Variants in FAM53A observed in about 807,000 individuals in gnomAD.
FAM53A encodes family with sequence similarity 53 member A, also known as protein FAM53A.
FAM53A carries 28 observed loss-of-function variants against 26.6 expected under a neutral mutation model. That is an observed-to-expected ratio of 1.05 (90% CI 0.78 to 1.45). The LOEUF (loss-of-function observed/expected upper bound fraction) is 1.45. Among genes scored for constraint, FAM53A ranks in the 40% most tolerant of loss-of-function variants. The pLI, the probability that FAM53A is intolerant of heterozygous loss-of-function variation, is 0.00. For missense variants in FAM53A, 650 were observed against 575.8 expected (o/e 1.13, Z -1.32); for synonymous variants, 290 against 253.1 (o/e 1.15, Z -1.38).
At chr4:1,672,903 G>A (rs1417656144) in intron 1 of FAM53A, among the ~76,000 whole-genome samples, 5 of 151,336 alleles carry the variant, frequency 3.3e-5, no homozygotes, top group Non-Finnish European at 5.9e-5. Context: ...CCAAGTAGCC[G>A]GGATTACAGG....
chr4:1,667,931 A>T (rs2108995663), intron 2 of FAM53A, among the ~76,000 whole-genome samples: 1 of 152,260 alleles, frequency 6.6e-6, no homozygotes, highest in South Asian at 2.1e-4. Context: ...ACTGTAGGAA[A>T]ATCAAGCTGC....
At chr4:1,613,236 T>C (rs766727913), downstream of FAM53A, among the ~76,000 whole-genome samples, 3 of 152,186 alleles carry the variant, frequency 2.0e-5, no homozygotes, top group Non-Finnish European at 2.9e-5. Flanking sequence ...AGAAAGGTAC[T>C]GGGGGTGGGA....
Position 1,641,290 on chromosome 4 carries a change from G to A in FAM53A, c.*3C>T. On this transcript the variant is annotated 3_prime_UTR_variant, in exon 5 of 5. Transcript: ENST00000308132. ...CCATGGCCCCGACCAGCCCCCACCA[G>A]CCTCAGTTGTTCTCGATCTGCTCCA... The A allele has an allele frequency of 6.2e-7, 1 of 1,612,796 alleles. No individual in the cohort carries two copies.
chr4:1,657,522 T>A (rs1713486108), intron 2 of FAM53A, 54 bp from the exon 3 acceptor site: 1 of 1,490,552 alleles, frequency 6.7e-7, no homozygotes, highest in Non-Finnish European at 9.3e-7. Context: ...AATTCGGCAA[T>A]AATATCCCCC....
Position 1,641,304 on chromosome 4 carries a change from C to T in FAM53A, c.1186G>A (p.Glu396Lys), listed in dbSNP as rs1322216688. The T allele has an allele frequency of 3.7e-6, 6 of 1,612,982 alleles. No homozygotes were observed. The highest frequency in any genetic ancestry group is 3.3e-5 in the Admixed American group (2 of 59,894). ...AGCCCCCACCAGCCTCAGTTGTTCTCGATCTGCTCCAGGTCCAGCTCCCAG... is the reference window on the plus strand; with the variant it reads ...AGCCCCCACCAGCCTCAGTTGTTCTTGATCTGCTCCAGGTCCAGCTCCCAG... Reference protein sequence around the residue: ...ARWELDLEQIENN With the variant: ...ARWELDLEQIKNN Residue 396 changes from glutamate to lysine, a missense_variant, in exon 5 of 5, where the codon GAG becomes AAG. By Grantham distance (56) the Glu-to-Lys change is moderately conservative (BLOSUM62 1). Transcript: ENST00000308132.
chr4:1,626,135 C>A (rs931277275), intron 1 of FAM53A, among the ~76,000 whole-genome samples: 3 of 152,204 alleles, frequency 2.0e-5, no homozygotes, highest in East Asian at 1.9e-4. Flanking sequence ...TCCTGGATGA[C>A]CCTGGTGCAT....
At chr4:1,623,889 G>A (rs761760434) in intron 1 of FAM53A, among the ~76,000 whole-genome samples, 19 of 152,328 alleles carry the variant, frequency 1.2e-4, no homozygotes, top group African/African-American at 3.8e-4. Flanking sequence ...CCTCTCTGGC[G>A]GGCGGGGAGA....
chr4:1,626,849 A>G (rs754743612), intron 1 of FAM53A, among the ~76,000 whole-genome samples: 4 of 152,022 alleles, frequency 2.6e-5, no homozygotes, highest in African/African-American at 7.2e-5. Flanking sequence ...TGTTCATCCA[A>G]CTGATTGAGC....
downstream of FAM53A, chr4:1,639,815 T>C (rs1269031461): frequency 2.6e-5 from 4 of 152,286 alleles, no homozygotes; most frequent in Admixed American, 6.5e-5. Flanking sequence ...GAAAGTGGCA[T>C]TGATTAACTT....
chr4:1,605,309 C>T, the FAM53A span, among the ~76,000 whole-genome samples: 4 of 152,290 alleles, frequency 2.6e-5, no homozygotes, highest in Admixed American at 2.6e-4. This position sits in a 1 kb window ranked among gnomAD's most constrained non-coding sequence, Gnocchi z 5.7. Context: ...CCCATCCTCC[C>T]CATGTGGCTG....
chr4:1,622,193 G>A (rs898867089), intron 1 of FAM53A, among the ~76,000 whole-genome samples: 20 of 152,216 alleles, frequency 1.3e-4, no homozygotes, highest in Admixed American at 2.6e-4. Flanking sequence ...TACAGCAGCA[G>A]CACGGAGAGA....
chr4:1,590,915 A>G, the FAM53A span, among the ~76,000 whole-genome samples: 1 of 134,498 alleles, frequency 7.4e-6, no homozygotes, highest in Non-Finnish European at 1.6e-5. Context: ...TAATATTCTC[A>G]GTTGTAGTTT....
chr4:1,618,428 G>A (rs1714888558), intron 1 of FAM53A, among the ~76,000 whole-genome samples: 1 of 152,208 alleles, frequency 6.6e-6, no homozygotes, highest in Admixed American at 6.5e-5. Flanking sequence ...CCCTGGGTGG[G>A]AAGTGGGCTG....
chr4:1,633,065 CAT>C (rs1715682077), intron 1 of FAM53A, among the ~76,000 whole-genome samples: 2 of 150,302 alleles, frequency 1.3e-5, no homozygotes, highest in Admixed American at 1.3e-4. Flanking sequence ...TGCGCACACA[CAT>C]AGGTACACGC....
At chr4:1,574,464 T>C in the FAM53A span, 1 of 152,526 alleles carries the variant, frequency 6.6e-6, no homozygotes, top group African/African-American at 2.4e-5. Context: ...GTGCCCTGTG[T>C]GTGGGGAGAG....
At chr4:1,610,501 T>A in the FAM53A span, among the ~76,000 whole-genome samples, 1 of 152,142 alleles carries the variant, frequency 6.6e-6, no homozygotes, top group Non-Finnish European at 1.5e-5. Context: ...GCCCCTGTTT[T>A]CGGGGCCAGA....
At chr4:1,587,902 A>G in the FAM53A span, among the ~76,000 whole-genome samples, 1 of 152,164 alleles carries the variant, frequency 6.6e-6, no homozygotes, top group Admixed American at 6.5e-5. Flanking sequence ...TTTATATTTA[A>G]TATTTTAATA....
rs187015751 is a variant in FAM53A, at chr4:1,651,699, C to T, written c.882+3279G>A. 2.1e-4 allele frequency among the ~76,000 whole-genome samples: 32 copies of T among 152,000 alleles called. No individual in the cohort carries two copies. The East Asian group carries it at 5.6e-3, about 27-fold the overall frequency. On this transcript the variant is annotated intron_variant, in intron 4 of 4. Transcript: ENST00000308132. ...ACGGGACACCAGCCTGGGTGACCAG[C>T]GCTTGCATGGACAGGGACACGCAGG...
chr4:1,681,640 G>A (rs1402113594), intron 1 of FAM53A, among the ~76,000 whole-genome samples: 1 of 151,700 alleles, frequency 6.6e-6, no homozygotes, highest in African/African-American at 2.4e-5. Context: ...AGGACTACAG[G>A]TGCACACCAC....
Sources: allele counts gnomAD v4.1 joint callset (sites outside exome capture counted in the v4.1 genomes callset), GRCh38; gene constraint gnomAD v4.1.1; non-coding constraint Gnocchi (gnomAD v3.1); transcripts MANE v1.5; gene names NCBI Gene and HGNC (gene_info 2026-07-23, HGNC 2026-07-21).